Variants in ACVR1 observed in about 807,000 individuals in gnomAD.
ACVR1 encodes activin receptor type-1.
In ACVR1, 38 loss-of-function variants were observed where a neutral mutation model predicts 57.1. The observed-to-expected ratio is 0.67, with a 90% CI of 0.51 to 0.87. ACVR1 has a LOEUF of 0.87. Among genes scored for constraint, ACVR1 ranks in the 40% least tolerant of loss-of-function variants. ACVR1 has a pLI of 0.00. For synonymous variants in ACVR1, 212 were observed against 228.1 expected, an observed-to-expected ratio of 0.93 and a Z score of 0.63; for missense variants, 463 against 638.2, an observed-to-expected ratio of 0.73 and a Z score of 2.96.
chr2:157,808,061 G>A (rs563095904), intron 2 of ACVR1, among the ~76,000 whole-genome samples: 125 of 151,952 alleles, frequency 8.2e-4, no homozygotes, highest in Non-Finnish European at 1.5e-3. Context: ...GCCCATTCCT[G>A]TCTCAGACCT....
At chr2:157,821,859 T>C (rs1688172354) in intron 1 of ACVR1, among the ~76,000 whole-genome samples, 1 of 152,214 alleles carries the variant, frequency 6.6e-6, no homozygotes, top group South Asian at 2.1e-4. Context: ...TAAAAGAACA[T>C]GCATAGTTTC....
chr2:157,750,956 T>C (rs1685167647), intron 9 of ACVR1, among the ~76,000 whole-genome samples: 2 of 151,086 alleles, frequency 1.3e-5, no homozygotes, highest in Non-Finnish European at 2.9e-5. Context: ...CCTGACTAAA[T>C]TGCAGCTCCC....
At chr2:157,854,509 T>C (rs1224518370) in intron 1 of ACVR1, among the ~76,000 whole-genome samples, 1 of 151,842 alleles carries the variant, frequency 6.6e-6, no homozygotes, top group Admixed American at 6.6e-5. Context: ...GATCACGAGG[T>C]CAGGAGATCA....
At position 157,737,055 on chromosome 2, in the gene ACVR1, G is replaced by T. The variant is rs946892754; in HGVS notation, c.*476C>A. 1 of 278,118 alleles carries T rather than the reference G, an allele frequency of 3.6e-6. No homozygotes were observed. The highest frequency in any genetic ancestry group is 6.7e-6 in the Non-Finnish European group (1 of 148,284). 17.2% of individuals were successfully genotyped at this position (278,118 alleles called of 1,614,324 possible). On this transcript the variant is annotated 3_prime_UTR_variant, in exon 11 of 11. Transcript: ENST00000434821. ...ACGCAGCCAACATTTTGGCAAGTTG[G>T]GTCTTTAAAATTAAGAGTAACAGTG...
At chr2:157,818,037 T>C (rs1339910750) in intron 2 of ACVR1, among the ~76,000 whole-genome samples, 7 of 149,824 alleles carry the variant, frequency 4.7e-5, no homozygotes, top group Non-Finnish European at 8.9e-5. Context: ...AAAAACTTAA[T>C]GTAGTGGCCC....
chr2:157,750,783 T>G (rs1685158524), intron 9 of ACVR1, among the ~76,000 whole-genome samples: 1 of 150,556 alleles, frequency 6.6e-6, no homozygotes, highest in Non-Finnish European at 1.5e-5. Context: ...GAAAACAAAT[T>G]CAAAATAATA....
chr2:157,808,470 T>C (rs1413327367), intron 2 of ACVR1, among the ~76,000 whole-genome samples: 5 of 152,126 alleles, frequency 3.3e-5, no homozygotes, highest in Non-Finnish European at 7.4e-5. Flanking sequence ...TTAAAAGATA[T>C]CATTTGTAAC....
chr2:157,770,549 T>C, intron 6 of ACVR1, 35 bp from the exon 7 acceptor site: 2 of 1,613,144 alleles, frequency 1.2e-6, no homozygotes, highest in Non-Finnish European at 1.7e-6. Context: ...CACAGAACAG[T>C]AGTCATTTTG....
intron 1 of ACVR1, among the ~76,000 whole-genome samples, chr2:157,874,234 T>TA (rs1690203553): frequency 6.6e-6 from 1 of 152,238 alleles, no homozygotes; most frequent in Non-Finnish European, 1.5e-5. Flanking sequence ...TACATCAACT[T>TA]AAGGCCTAGA....
At chr2:157,756,840 T>TA (rs1559039011) in intron 9 of ACVR1, among the ~76,000 whole-genome samples, 1 of 151,564 alleles carries the variant, frequency 6.6e-6, no homozygotes, top group Non-Finnish European at 1.5e-5. Context: ...ACGAAGAAGA[T>TA]ACTTGTACAC....
chr2:157,855,363 G>T (rs1689497300), intron 1 of ACVR1, among the ~76,000 whole-genome samples: 1 of 145,124 alleles, frequency 6.9e-6, no homozygotes, highest in Non-Finnish European at 1.5e-5. Flanking sequence ...AGCCGGACGT[G>T]GTGGCTTTCA....
chr2:157,738,330 A>C (rs1684618832), intron 10 of ACVR1, 110 bp downstream of exon 10: 1 of 1,522,194 alleles, frequency 6.6e-7, no homozygotes, highest in African/African-American at 1.4e-5. Context: ...AAGAGAAAAC[A>C]ACAGATCCAC....
chr2:157,761,194 T>C, intron 8 of ACVR1, 117 bp from the exon 9 acceptor site: 1 of 899,926 alleles, frequency 1.1e-6, no homozygotes, highest in Non-Finnish European at 1.8e-6. Flanking sequence ...GGGTCACTGT[T>C]GCAATACACT....
chr2:157,842,674 C>T (rs1304063140), intron 1 of ACVR1, among the ~76,000 whole-genome samples: 3 of 152,194 alleles, frequency 2.0e-5, no homozygotes, highest in African/African-American at 7.2e-5. Flanking sequence ...CCAGTTACAA[C>T]ATCAATATTT....
intron 9 of ACVR1, among the ~76,000 whole-genome samples, chr2:157,754,170 A>G (rs1685326042): frequency 6.6e-6 from 1 of 152,236 alleles, no homozygotes; most frequent in East Asian, 1.9e-4. Context: ...GAAAGAGCAC[A>G]AACAGGCAAC....
intron 9 of ACVR1, among the ~76,000 whole-genome samples, chr2:157,758,668 A>G (rs1685522903): frequency 6.6e-6 from 1 of 152,074 alleles, no homozygotes; most frequent in South Asian, 2.1e-4. Flanking sequence ...TCCAAGAAAC[A>G]TTGGATTTAA....
intron 1 of ACVR1, among the ~76,000 whole-genome samples, chr2:157,869,831 C>T (rs1690057458): frequency 6.6e-6 from 1 of 152,140 alleles, no homozygotes; most frequent in Admixed American, 6.5e-5. Flanking sequence ...CACATGTGTC[C>T]CTTACTCCTG....
intron 3 of ACVR1, among the ~76,000 whole-genome samples, chr2:157,783,179 T>A (rs539384988): frequency 1.6e-4 from 24 of 152,244 alleles, no homozygotes; most frequent in Non-Finnish European, 2.5e-4. Context: ...TGCCAAATTT[T>A]AAAAAAATAA....
At chr2:157,834,141 G>C (rs990319132) in intron 1 of ACVR1, among the ~76,000 whole-genome samples, 4 of 152,158 alleles carry the variant, frequency 2.6e-5, no homozygotes, top group Admixed American at 2.6e-4. Context: ...GCCCAGGCTG[G>C]AGTGCAGTGG....
Sources: allele counts gnomAD v4.1 joint callset (sites outside exome capture counted in the v4.1 genomes callset), GRCh38; gene constraint gnomAD v4.1.1; transcripts MANE v1.5; gene names NCBI Gene and HGNC (gene_info 2026-07-23, HGNC 2026-07-21).